The following FBLN5 variants were observed in gnomAD, a reference collection of about 807,000 sequenced individuals.
FBLN5 encodes the protein fibulin-5.
A neutral mutation model predicts 61.6 loss-of-function variants in FBLN5; 24 were observed. The observed-to-expected ratio is 0.39, with a 90% CI of 0.28 to 0.55. The LOEUF (loss-of-function observed/expected upper bound fraction) is 0.55. Among genes scored for constraint, FBLN5 ranks in the 20% least tolerant of loss-of-function variants. FBLN5 has a pLI of 0.65. For synonymous variants in FBLN5, 213 were observed against 219.8 expected (o/e 0.97, Z 0.27); for missense variants, 470 against 594.1 (o/e 0.79, Z 2.17).
At chr14:91,908,745 A>C (rs1443634954) in intron 4 of FBLN5, among the ~76,000 whole-genome samples, 1 of 152,206 alleles carries the variant, frequency 6.6e-6, no homozygotes, top group Non-Finnish European at 1.5e-5. Flanking sequence ...CAGTTAAATC[A>C]GAACCCCTGG....
Position 91,873,176 on chromosome 14 carries a change from G to A in FBLN5, c.1186-2791C>T, listed in dbSNP as rs565275233. On this transcript the variant is annotated intron_variant, in intron 10 of 10. Transcript: ENST00000342058. The stretch of plus-strand genomic sequence containing the variant: ...GCTGAGGACAGCCACCTCCACATTC[G>A]GCTTTTAGGGCAGAGCCAGGGCATT... Among the ~76,000 whole-genome samples the A allele has an allele frequency of 7.9e-5, 12 of 152,286 alleles. No individual in the cohort carries two copies. In the South Asian group the frequency reaches 1.2e-3, roughly 16 times the overall value.
intron 4 of FBLN5, among the ~76,000 whole-genome samples, chr14:91,919,531 A>G (rs1448975346): frequency 6.6e-6 from 1 of 152,112 alleles, no homozygotes; most frequent in Non-Finnish European, 1.5e-5. Context: ...AAATTCATAT[A>G]TTCAAGTCCT....
chr14:91,935,357 T>C (rs1456714146), intron 4 of FBLN5, among the ~76,000 whole-genome samples: 2 of 152,230 alleles, frequency 1.3e-5, no homozygotes, highest in Non-Finnish European at 2.9e-5. Context: ...CAGCTAGACC[T>C]GTCTGCACCA....
chr14:91,934,615 G>T (rs1329522671), intron 4 of FBLN5, among the ~76,000 whole-genome samples: 1 of 152,186 alleles, frequency 6.6e-6, no homozygotes, highest in African/African-American at 2.4e-5. Context: ...TAAAGTTTCA[G>T]AAATGTTTCC....
intron 4 of FBLN5, among the ~76,000 whole-genome samples, chr14:91,906,505 G>A (rs1415057468): frequency 6.6e-6 from 1 of 152,220 alleles, no homozygotes; most frequent in East Asian, 1.9e-4. Context: ...CCCACAAACA[G>A]TGCAGGGCTG....
intron 5 of FBLN5, among the ~76,000 whole-genome samples, chr14:91,894,593 A>T (rs1488690398): frequency 1.3e-5 from 2 of 150,792 alleles, no homozygotes; most frequent in Non-Finnish European, 2.9e-5. Flanking sequence ...GTGGTGGCAC[A>T]TGCCTATGAT....
intron 9 of FBLN5, chr14:91,878,011 C>T (rs1441194019): frequency 4.2e-6 from 2 of 480,876 alleles, no homozygotes; most frequent in African/African-American, 3.9e-5. Flanking sequence ...CCACTCCAGC[C>T]TGGGCGGCAG....
At chr14:91,916,362 G>A (rs531672869) in intron 4 of FBLN5, among the ~76,000 whole-genome samples, 19 of 152,278 alleles carry the variant, frequency 1.2e-4, no homozygotes, top group South Asian at 8.3e-4. Flanking sequence ...ACAGAGAATC[G>A]CTTGAACGTG....
Position 91,870,282 on chromosome 14 carries a change from T to C in FBLN5, c.1289A>G (p.Asn430Ser), listed in dbSNP as rs1474281777. 1 of 1,614,202 alleles carries C rather than the reference T, an allele frequency of 6.2e-7. No homozygotes were observed. The highest frequency in any genetic ancestry group is 1.3e-5 in the African/African-American group (1 of 75,064). ...TCGGATCACGGAGCTGCCTCTGAAG[T>C]TGATGACAGTGTTGACAGTGATCAT... Reference protein sequence around the residue: ...LEMITVNTVINFRGSSVIRLR... With the variant: ...LEMITVNTVISFRGSSVIRLR... Residue 430 changes from asparagine to serine, a missense_variant, in exon 11 of 11, where the codon AAC (asparagine) becomes AGC (serine). Transcript: ENST00000342058.
chr14:91,926,533 G>A (rs1166790431), intron 4 of FBLN5, among the ~76,000 whole-genome samples: 4 of 152,208 alleles, frequency 2.6e-5, no homozygotes, highest in Non-Finnish European at 5.9e-5. Context: ...TGCCTCTGTG[G>A]CCTGTGTGAG....
At chr14:91,872,187 G>T (rs1367994953) in intron 10 of FBLN5, among the ~76,000 whole-genome samples, 5 of 152,196 alleles carry the variant, frequency 3.3e-5, no homozygotes, top group Admixed American at 2.0e-4. Flanking sequence ...ATTGCTTAGG[G>T]TTACCCAGCT....
At chr14:91,946,717 C>T in intron 1 of FBLN5, 1 of 1,535,424 alleles carries the variant, frequency 6.5e-7, no homozygotes, top group South Asian at 1.2e-5. Flanking sequence ...TTACATGTAT[C>T]TCTGTCTGCA....
chr14:91,910,962 G>A (rs1168388732), intron 4 of FBLN5, among the ~76,000 whole-genome samples: 1 of 150,494 alleles, frequency 6.6e-6, no homozygotes, highest in African/African-American at 2.4e-5. Flanking sequence ...TTCAAATTCT[G>A]CTGCCCTCAT....
At chr14:91,898,796 C>CTTTTTTT (rs35840279) in intron 4 of FBLN5, among the ~76,000 whole-genome samples, 30 of 84,246 alleles carry the variant, frequency 3.6e-4, no homozygotes, top group African/African-American at 5.2e-4. Flanking sequence ...TTCATTCATT[C>CTTTTTTT]TTTTTTTTTT....
chr14:91,911,916 C>A (rs1392842092), intron 4 of FBLN5, among the ~76,000 whole-genome samples: 3 of 152,106 alleles, frequency 2.0e-5, no homozygotes, highest in Non-Finnish European at 4.4e-5. Flanking sequence ...AAGAGGGTAA[C>A]CTGAAAGCGG....
At position 91,882,829 on chromosome 14, in the gene FBLN5, C is replaced by T. The variant is rs1300836262; in HGVS notation, c.862+125G>A. 1.4e-5 allele frequency: 16 copies of T among 1,123,712 alleles called. 1 individual carries two copies. Among genetic ancestry groups the T allele is most frequent in the South Asian group, 2.7e-5 (2 of 74,076 alleles). The allele number at this position is 1,123,712 out of a possible 1,614,324, so 69.6% of individuals were successfully genotyped here. ...TATGAGAGCCACCAGCACCCACTCA[C>T]ACCCCCACCCCTGCCACCTTCCCAA... On this transcript the variant is annotated intron_variant, in intron 8 of 10. Coordinates refer to ENST00000342058, the MANE Select transcript of FBLN5 (RefSeq NM_006329.4). The surrounding 1 kb of genome is among the most constrained non-coding windows in gnomAD (Gnocchi z 4.9).
At chr14:91,915,686 C>CAAAAAA (rs34675184) in intron 4 of FBLN5, among the ~76,000 whole-genome samples, 37 of 43,728 alleles carry the variant, frequency 8.5e-4, no homozygotes, top group South Asian at 1.5e-3. Flanking sequence ...GACTCCATCT[C>CAAAAAA]AAAAAAAAAA....
intron 4 of FBLN5, among the ~76,000 whole-genome samples, chr14:91,924,651 G>GAGAAAA (rs1351131910): frequency 6.6e-6 from 1 of 151,470 alleles, no homozygotes; most frequent in Non-Finnish European, 1.5e-5. Flanking sequence ...CACTGCACAA[G>GAGAAAA]AGAAAAAGAA....
intron 4 of FBLN5, among the ~76,000 whole-genome samples, chr14:91,930,760 T>C (rs958376240): frequency 2.0e-5 from 3 of 152,184 alleles, no homozygotes; most frequent in African/African-American, 7.2e-5. Flanking sequence ...CACTTCCCAC[T>C]TTTCTGTCTC....
Sources: gnomAD v4.1 joint callset for allele counts (sites outside exome capture counted in the v4.1 genomes callset) on GRCh38, gnomAD v4.1.1 for gene constraint, Gnocchi (gnomAD v3.1) non-coding constraint, MANE v1.5 for transcripts, NCBI Gene and HGNC (gene_info 2026-07-23, HGNC 2026-07-21) for gene names.